The following ATP4A variants were observed in gnomAD, a reference collection of about 807,000 sequenced individuals.
ATP4A encodes the protein ATPase H+/K+ transporting subunit alpha.
In ATP4A, 73 loss-of-function variants were observed where a neutral mutation model predicts 112.1. The observed-to-expected ratio is 0.65, with a 90% CI of 0.54 to 0.79. The LOEUF is 0.79. Ranked by LOEUF, ATP4A falls within the 30% of genes least tolerant of loss-of-function variation. The pLI is 0.00. For missense variants in ATP4A, 1,081 were observed against 1,425.9 expected (o/e 0.76, Z 3.90); for synonymous variants, 588 against 588.9 (o/e 1.00, Z 0.02).
In ATP4A at chr19:35,560,169, G is replaced by T; in HGVS notation, c.788-96C>A. The T allele has an allele frequency of 6.4e-7, 1 of 1,551,466 alleles. No homozygotes were observed. Among genetic ancestry groups the T allele is most frequent in the South Asian group, 1.2e-5 (1 of 83,820 alleles). ...AGGACAGCCAGTCACTGCCAGTGGA[G>T]GATGTGACCTGGGAGAGGGTAGTGA... is the stretch of plus-strand genomic sequence containing the variant. On this transcript the variant is annotated intron_variant, in intron 6 of 21. Coordinates refer to ENST00000262623, the MANE Select transcript of ATP4A (RefSeq NM_000704.3). The surrounding 1 kb of genome is among the most constrained non-coding windows in gnomAD (Gnocchi z 5.1).
Position 35,555,932 on chromosome 19 carries a change from C to A in ATP4A, c.1870-120G>T, listed in dbSNP as rs140300079. On this transcript the variant is annotated intron_variant, in intron 12 of 21. Coordinates refer to ENST00000262623, the MANE Select transcript of ATP4A (RefSeq NM_000704.3). The surrounding 1 kb of genome is among the most constrained non-coding windows in gnomAD (Gnocchi z 6.6). ...CTTGACCAAGCGTGACCACCTCCTA[C>A]GTGCCTGGGATATAGCAGAGACAAA... is the stretch of plus-strand genomic sequence containing the variant. 13 of 1,393,036 alleles carry A rather than the reference C, an allele frequency of 9.3e-6. No individual in the cohort carries two copies. In the East Asian group the frequency reaches 1.4e-4, roughly 15 times the overall value. The allele number at this position is 1,393,036 out of a possible 1,614,324, so 86.3% of individuals were successfully genotyped here.
chr19:35,557,913 CG>C lies in ATP4A; in HGVS notation c.1501-67del. 6.6e-6 allele frequency: 1 copy of C among 152,096 alleles called. No individual in the cohort carries two copies. Among genetic ancestry groups the C allele is most frequent in the Non-Finnish European group, 1.0e-5 (1 of 96,216 alleles). The allele number at this position is 152,096 out of a possible 1,614,324, so 9.4% of individuals were successfully genotyped here. A position where few individuals can be genotyped will look rare whatever the true frequency, so the allele number is the denominator to read the frequency against. ...CGGGGCGGGGCTGTGGACGAGGGAA[CG>C]GGGCGGGGCTGAGGAGAGGGGCGGG... On this transcript the variant is annotated intron_variant, in intron 10 of 21. Transcript: ENST00000262623. The surrounding 1 kb of genome is among the most constrained non-coding windows in gnomAD (Gnocchi z 4.4).
intron 4 of ATP4A, 97 bp downstream of exon 4, chr19:35,562,338 C>T: frequency 7.1e-7 from 1 of 1,403,122 alleles, no homozygotes; most frequent in Non-Finnish European, 9.8e-7. Flanking sequence ...TTCGTCTATC[C>T]CCATCCTTCT....
Position 35,563,203 on chromosome 19 carries a change from G to A in ATP4A, c.216+6C>T, listed in dbSNP as rs2146313274. The A allele has an allele frequency of 6.2e-7, 1 of 1,613,046 alleles. No individual in the cohort carries two copies. The highest frequency in any genetic ancestry group is 8.5e-7 in the Non-Finnish European group (1 of 1,179,794). On this transcript the variant is annotated splice_donor_region_variant and intron_variant, in intron 3 of 21. Transcript: ENST00000262623. ...CCTTTCTGTACGCTCCCAGTCTCCA[G>A]CTCACCTTGGTGGCACTGGTCTGGT...
Position 35,562,486 on chromosome 19 carries a change from G to A in ATP4A, c.369C>T (p.Leu123=). Residue 123 remains leucine (L), a synonymous_variant, in exon 4 of 22, where the codon CTC becomes CTT. Transcript: ENST00000262623. ...CLMWVAAAIC[L]IAFAIQASEG... is the part of the protein sequence containing the mutation. ...CACTAGCCTGGATGGCAAAGGCGAT[G>A]AGGCAGATGGCGGCGGCAACCCACA... is the stretch of plus-strand genomic sequence containing the variant. 6.2e-7 allele frequency: 1 copy of A among 1,614,172 alleles called. No individual in the cohort carries two copies. Among genetic ancestry groups the A allele is most frequent in the Non-Finnish European group, 8.5e-7 (1 of 1,180,022 alleles).
chr19:35,551,563 C>T lies in ATP4A; in HGVS notation c.2769G>A (p.Leu923=). The change falls in exon 19 of 22, where the codon CTG becomes CTA. Residue 923 remains leucine (L), a synonymous_variant. Coordinates refer to ENST00000262623, the MANE Select transcript of ATP4A (RefSeq NM_000704.3). The surrounding 1 kb of genome is among the most constrained non-coding windows in gnomAD (Gnocchi z 5.2). ...CGGTGTAGCAGGTGTACTGCTGGTA[C>T]AGGCGCTGCCCGAATGTCTGCAGGC... ...YGQEWTFGQR[L]YQQYTCYTVF... is the part of the protein sequence containing the mutation. 1 of 1,613,130 alleles carries T rather than the reference C, an allele frequency of 6.2e-7. No homozygotes were observed. The highest frequency in any genetic ancestry group is 8.5e-7 in the Non-Finnish European group (1 of 1,179,592).
chr19:35,551,171 T>A lies in ATP4A; in HGVS notation c.2886-60A>T, dbSNP rs2071599724. 1.5e-5 allele frequency: 23 copies of A among 1,508,994 alleles called. No individual in the cohort carries two copies. Among genetic ancestry groups the A allele is most frequent in the Non-Finnish European group, 2.1e-5 (23 of 1,106,828 alleles). The allele number at this position is 1,508,994 out of a possible 1,614,324, so 93.5% of individuals were successfully genotyped here. A position where few individuals can be genotyped will look rare whatever the true frequency, so the allele number is the denominator to read the frequency against. Reference sequence around the variant, plus strand: ...ATTGGGGACGTGATGGAAATCAGGATACTGTGGGTCAAAGTAGGTCAGATG... The same window carrying A: ...ATTGGGGACGTGATGGAAATCAGGAAACTGTGGGTCAAAGTAGGTCAGATG... On this transcript the variant is annotated intron_variant, in intron 19 of 21. Coordinates refer to ENST00000262623, the MANE Select transcript of ATP4A (RefSeq NM_000704.3). The surrounding 1 kb of genome is among the most constrained non-coding windows in gnomAD (Gnocchi z 5.2).
chr19:35,563,120 C>G (rs1029992325), intron 3 of ATP4A, 89 bp downstream of exon 3: 1 of 1,462,226 alleles, frequency 6.8e-7, no homozygotes, highest in African/African-American at 1.4e-5. Flanking sequence ...CTCTCCCTCT[C>G]TCTCCCTCTC....
At position 35,551,702 on chromosome 19, in the gene ATP4A, C is replaced by T. The variant is rs2071603188; in HGVS notation, c.2752-122G>A. 6.8e-6 allele frequency: 9 copies of T among 1,317,722 alleles called. No homozygotes were observed. The Admixed American group carries it at 1.9e-4, about 27-fold the overall frequency. The allele number at this position is 1,317,722 out of a possible 1,614,324, so 81.6% of individuals were successfully genotyped here. On this transcript the variant is annotated intron_variant, in intron 18 of 21. Transcript: ENST00000262623. This position sits in a 1 kb window ranked among gnomAD's most constrained non-coding sequence, Gnocchi z 5.2. ...ACCCCTAAATGCTCTCTCTGCCTTG[C>T]ATCAGAGTGTGGGGGTGGGGGGAAG...
rs969015794 is a variant in ATP4A at position 35,551,809 on chromosome 19, G to A, written c.2752-229C>T. 6.6e-6 allele frequency among the ~76,000 whole-genome samples: 1 copy of A among 152,190 alleles called. No homozygotes were observed. The highest frequency in any genetic ancestry group is 2.4e-5 in the African/African-American group (1 of 41,442). ...TCAGCCTAGCAGAGCTTGGATGACAGTGGCCGGGAAAACTGTAGGCTGGGC... is the reference window on the plus strand; with the variant it reads ...TCAGCCTAGCAGAGCTTGGATGACAATGGCCGGGAAAACTGTAGGCTGGGC... On this transcript the variant is annotated intron_variant, in intron 18 of 21. Transcript: ENST00000262623. The surrounding 1 kb of genome is among the most constrained non-coding windows in gnomAD (Gnocchi z 5.2).
chr19:35,558,874 A>G lies in ATP4A; in HGVS notation c.1255+119T>C. Reference sequence around the variant, plus strand: ...TAGACCCGGTAGCGAGTCTCCTTTGAGACCTGGAGCCGAGCCGCCCCGCCT... The same window carrying G: ...TAGACCCGGTAGCGAGTCTCCTTTGGGACCTGGAGCCGAGCCGCCCCGCCT... On this transcript the variant is annotated intron_variant, in intron 8 of 21. Transcript: ENST00000262623. This position sits in a 1 kb window ranked among gnomAD's most constrained non-coding sequence, Gnocchi z 5.1. 1 of 1,369,256 alleles carries G rather than the reference A, an allele frequency of 7.3e-7. No individual in the cohort carries two copies. The allele number at this position is 1,369,256 out of a possible 1,614,324, so 84.8% of individuals were successfully genotyped here. A position where few individuals can be genotyped will look rare whatever the true frequency, so the allele number is the denominator to read the frequency against.
Position 35,555,902 on chromosome 19 carries a change from A to G in ATP4A, c.1870-90T>C. ...GAGACATCTGCTGATACACGTGTTCATTTACTTGACCAAGCGTGACCACCT... is the reference window on the plus strand; with the variant it reads ...GAGACATCTGCTGATACACGTGTTCGTTTACTTGACCAAGCGTGACCACCT... On this transcript the variant is annotated intron_variant, in intron 12 of 21. Coordinates refer to ENST00000262623, the MANE Select transcript of ATP4A (RefSeq NM_000704.3). The surrounding 1 kb of genome is among the most constrained non-coding windows in gnomAD (Gnocchi z 6.6). The G allele has an allele frequency of 6.6e-7, 1 of 1,507,488 alleles. No individual in the cohort carries two copies. 93.4% of individuals were successfully genotyped at this position (1,507,488 alleles called of 1,614,324 possible).
intron 16 of ATP4A, 30 bp downstream of exon 16, chr19:35,554,892 G>T: frequency 6.2e-7 from 1 of 1,613,608 alleles, no homozygotes; most frequent in Non-Finnish European, 8.5e-7. Flanking sequence ...TGGGCACCCT[G>T]TGGATGGGTA....
Position 35,557,116 on chromosome 19 carries a change from G to C in ATP4A, c.1694-28C>G. The C allele has an allele frequency of 6.2e-7, 1 of 1,613,266 alleles. No individual in the cohort carries two copies. Among genetic ancestry groups the C allele is most frequent in the Non-Finnish European group, 8.5e-7 (1 of 1,179,478 alleles). ...GACCGGAAACGGGGAAGTCAGGGAA[G>C]AGCCCTGGGCACACCCTTTCTTAGC... On this transcript the variant is annotated intron_variant, in intron 11 of 21. Transcript: ENST00000262623. The surrounding 1 kb of genome is among the most constrained non-coding windows in gnomAD (Gnocchi z 4.4).
At chr19:35,561,077 G>A (rs2071668203) in intron 4 of ATP4A, 145 bp from the exon 5 acceptor site, 2 of 661,158 alleles carry the variant, frequency 3.0e-6, no homozygotes, top group African/African-American at 1.8e-5. Flanking sequence ...ACCATTCCCT[G>A]TAGCCTTTAG....
In ATP4A at chr19:35,550,821, T is replaced by A; in HGVS notation, c.3079+13A>T. ...CAGTCCCCTGCCCCCAGGCTCCCAG[T>A]CTCCACACTCACTCCCTGGGCAACA... On this transcript the variant is annotated intron_variant, in intron 21 of 21. Transcript: ENST00000262623. The surrounding 1 kb of genome is among the most constrained non-coding windows in gnomAD (Gnocchi z 4.1). The A allele has an allele frequency of 6.2e-7, 1 of 1,613,832 alleles. No homozygotes were observed.
chr19:35,563,632 T>C lies in ATP4A; in HGVS notation c.-3A>G, dbSNP rs774229399. The stretch of plus-strand genomic sequence containing the variant: ...GCCCCACTCACGGCCTTCCCCATGG[T>C]GCCCGGTGCCTGTGCTCCCACCCAA... On this transcript the variant is annotated 5_prime_UTR_variant, in exon 1 of 22. Transcript: ENST00000262623. 1 of 1,592,842 alleles carries C rather than the reference T, an allele frequency of 6.3e-7. No individual in the cohort carries two copies. The highest frequency in any genetic ancestry group is 8.6e-7 in the Non-Finnish European group (1 of 1,168,258).
rs761844021 is a variant in ATP4A, at chr19:35,557,723, T to C, written c.1625A>G (p.Asp542Gly). The C allele has an allele frequency of 1.9e-6, 3 of 1,607,802 alleles. No homozygotes were observed. Among genetic ancestry groups the C allele is most frequent in the Non-Finnish European group, 2.5e-6 (3 of 1,177,260 alleles). ...ILIKGQELPLDEQWREAFQTA... is the reference protein window; with the variant it reads ...ILIKGQELPLGEQWREAFQTA... Reference sequence around the variant, plus strand: ...CTGGAAGGCCTCGCGCCACTGCTCGTCCAGCGGCAGCTCCTGGCCCTTGAT... The same window carrying C: ...CTGGAAGGCCTCGCGCCACTGCTCGCCCAGCGGCAGCTCCTGGCCCTTGAT... Residue 542 changes from aspartate (D) to glycine (G), a missense_variant, in exon 11 of 22, where the codon GAC becomes GGC. Asp to Gly is a moderately conservative substitution (Grantham distance 94, BLOSUM62 -1). Around this residue, in one of 3 missense-constraint regions of ATP4A, gnomAD observed 850 missense variants for 1,068.2 expected, o/e 0.80. Coordinates refer to ENST00000262623, the MANE Select transcript of ATP4A (RefSeq NM_000704.3). The surrounding 1 kb of genome is among the most constrained non-coding windows in gnomAD (Gnocchi z 4.4).
At chr19:35,561,247 G>A (rs118171552) in intron 4 of ATP4A, among the ~76,000 whole-genome samples, 11 of 152,056 alleles carry the variant, frequency 7.2e-5, no homozygotes, top group East Asian at 5.8e-4. Flanking sequence ...TTGGTCTGAC[G>A]TGTTCCCTTC....
Sources: allele counts gnomAD v4.1 joint callset (sites outside exome capture counted in the v4.1 genomes callset), GRCh38; gene constraint gnomAD v4.1.1; regional missense constraint gnomAD v4.1.1; non-coding constraint Gnocchi (gnomAD v3.1); transcripts MANE v1.5; gene names NCBI Gene and HGNC (gene_info 2026-07-23, HGNC 2026-07-21).